ZNF804B: variants seen among roughly 807,000 people sequenced by gnomAD.
ZNF804B encodes the protein zinc finger 804B.
In ZNF804B, 80 loss-of-function variants were observed where a neutral mutation model predicts 101.4. The ratio of observed to expected loss-of-function variants is 0.79; its 90% CI spans 0.66 to 0.95. ZNF804B has a LOEUF of 0.95. Ranked by LOEUF, ZNF804B falls within the 40% of genes least tolerant of loss-of-function variation. The pLI, the probability that ZNF804B is intolerant of heterozygous loss-of-function variation, is 0.00. For synonymous variants in ZNF804B, 622 were observed against 558.8 expected, an observed-to-expected ratio of 1.11 and a Z score of -1.59; for missense variants, 1,673 against 1,561.9, an observed-to-expected ratio of 1.07 and a Z score of -1.20.
intron 3 of ZNF804B, among the ~76,000 whole-genome samples, chr7:89,328,763 A>G (rs1266635208): frequency 6.6e-6 from 1 of 151,934 alleles, no homozygotes; most frequent in African/African-American, 2.4e-5. Context: ...TAACATAGAT[A>G]TACGTCTTTA....
chr7:88,881,059 A>G (rs1792022208), intron 1 of ZNF804B, among the ~76,000 whole-genome samples: 1 of 152,066 alleles, frequency 6.6e-6, no homozygotes, highest in Admixed American at 6.6e-5. Context: ...TTTCCCAAAT[A>G]GTGTTTTAAA....
At chr7:89,120,636 C>A (rs576501823) in intron 1 of ZNF804B, among the ~76,000 whole-genome samples, 8 of 117,724 alleles carry the variant, frequency 6.8e-5, no homozygotes, top group African/African-American at 2.5e-4. Context: ...CCAGCCTGGG[C>A]GACAGAGCGA....
chr7:89,034,245 G>T (rs1458469678), intron 1 of ZNF804B, among the ~76,000 whole-genome samples: 1 of 151,924 alleles, frequency 6.6e-6, no homozygotes, highest in African/African-American at 2.4e-5. Context: ...GACTTTTTTT[G>T]AAGTTTTACA....
At position 88,864,604 on chromosome 7, in the gene ZNF804B, T is replaced by G. The variant is rs116845939; in HGVS notation, c.108+104520T>G. Among the ~76,000 whole-genome samples the G allele has an allele frequency of 7.2e-3, 1,101 of 152,278 alleles. 8 individuals carry two copies. Among genetic ancestry groups the G allele is most frequent in the Admixed American group, 0.012 (185 of 15,298 alleles). On this transcript the variant is annotated intron_variant, in intron 1 of 3. Coordinates refer to ENST00000333190, the MANE Select transcript of ZNF804B (RefSeq NM_181646.5). ...ATTTATCTGCTGACTTCCTCTTGCC[T>G]CTAGTTTTCTATTATTTATCAATGT... is the stretch of plus-strand genomic sequence containing the variant.
intron 1 of ZNF804B, among the ~76,000 whole-genome samples, chr7:89,152,242 C>T (rs1403019915): frequency 2.1e-5 from 3 of 141,098 alleles, no homozygotes; most frequent in South Asian, 4.7e-4. Context: ...CAGACTACTG[C>T]ATGGTTTTTT....
At chr7:88,891,444 CT>C in intron 1 of ZNF804B, among the ~76,000 whole-genome samples, 1 of 151,942 alleles carries the variant, frequency 6.6e-6, no homozygotes, top group East Asian at 1.9e-4. Context: ...TTATTCAAAC[CT>C]TACATGTCCT....
chr7:89,193,350 T>C (rs1055169445), intron 1 of ZNF804B, among the ~76,000 whole-genome samples: 5 of 151,310 alleles, frequency 3.3e-5, no homozygotes, highest in African/African-American at 1.2e-4. Context: ...TTAGGGTACG[T>C]GTGCACAATG....
At chr7:89,060,872 G>A (rs894088302) in intron 1 of ZNF804B, among the ~76,000 whole-genome samples, 2 of 151,954 alleles carry the variant, frequency 1.3e-5, no homozygotes, top group Non-Finnish European at 2.9e-5. Context: ...TTTGTACATC[G>A]GCATTTGTGA....
chr7:89,210,192 C>G (rs892182239), intron 1 of ZNF804B, among the ~76,000 whole-genome samples: 2 of 149,836 alleles, frequency 1.3e-5, no homozygotes, highest in Admixed American at 1.3e-4. Context: ...GAGAAATCAA[C>G]ATTAGTAATA....
intron 1 of ZNF804B, among the ~76,000 whole-genome samples, chr7:88,906,766 G>A (rs1158490274): frequency 6.6e-6 from 1 of 152,066 alleles, no homozygotes; most frequent in East Asian, 1.9e-4. Flanking sequence ...CAGGTGTTGA[G>A]TTTAAGTCTA....
chr7:88,863,946 A>T (rs149912820), intron 1 of ZNF804B, among the ~76,000 whole-genome samples: 1 of 152,152 alleles, frequency 6.6e-6, no homozygotes, highest in African/African-American at 2.4e-5. Context: ...TTTATGTCTG[A>T]AGTTTATTGT....
At chr7:89,072,582 TA>T (rs1789558065) in intron 1 of ZNF804B, among the ~76,000 whole-genome samples, 2 of 152,096 alleles carry the variant, frequency 1.3e-5, no homozygotes, top group African/African-American at 4.8e-5. Flanking sequence ...TCTTTTGGAG[TA>T]TATGAATAAG....
chr7:88,912,851 A>C (rs907988563), intron 1 of ZNF804B, among the ~76,000 whole-genome samples: 3 of 152,192 alleles, frequency 2.0e-5, no homozygotes, highest in Non-Finnish European at 4.4e-5. Context: ...TATTGTGCGC[A>C]TTAATATTGA....
chr7:89,146,836 G>A (rs1790797090), intron 1 of ZNF804B, among the ~76,000 whole-genome samples: 1 of 151,452 alleles, frequency 6.6e-6, no homozygotes, highest in African/African-American at 2.4e-5. Context: ...AGACCAGCAT[G>A]GGCAATATGG....
At chr7:89,027,500 C>T (rs1389342028) in intron 1 of ZNF804B, among the ~76,000 whole-genome samples, 1 of 152,180 alleles carries the variant, frequency 6.6e-6, no homozygotes, top group African/African-American at 2.4e-5. Context: ...TCTTTCCACC[C>T]TACAAGAAGC....
chr7:89,101,835 T>C (rs1349028273), intron 1 of ZNF804B, among the ~76,000 whole-genome samples: 1 of 151,886 alleles, frequency 6.6e-6, no homozygotes, highest in East Asian at 1.9e-4. Flanking sequence ...ACCCAATAGG[T>C]AATTTTTTAA....
intron 1 of ZNF804B, among the ~76,000 whole-genome samples, chr7:89,000,470 TAAAAC>T (rs1788267055): frequency 6.6e-6 from 1 of 151,980 alleles, no homozygotes; most frequent in South Asian, 2.1e-4. Flanking sequence ...AGTTGTCAAA[TAAAAC>T]CAAATGATTG....
chr7:89,258,400 G>A (rs888168741), intron 2 of ZNF804B, among the ~76,000 whole-genome samples: 4 of 152,134 alleles, frequency 2.6e-5, no homozygotes, highest in African/African-American at 9.7e-5. Flanking sequence ...AACTGTGTCA[G>A]TGTGGCTATG....
chr7:88,810,170 C>T (rs1315691110), intron 1 of ZNF804B, among the ~76,000 whole-genome samples: 5 of 151,848 alleles, frequency 3.3e-5, no homozygotes, highest in Non-Finnish European at 5.9e-5. Flanking sequence ...TAACAGGTAT[C>T]CCTGATAATG....
Sources: gnomAD v4.1 joint callset for allele counts (sites outside exome capture counted in the v4.1 genomes callset) on GRCh38, gnomAD v4.1.1 for gene constraint, MANE v1.5 for transcripts, NCBI Gene and HGNC (gene_info 2026-07-23, HGNC 2026-07-21) for gene names.